DYNC2I1: variants seen among roughly 807,000 people sequenced by gnomAD.
The protein encoded by DYNC2I1 is cytoplasmic dynein 2 intermediate chain 1.
DYNC2I1 carries 89 observed loss-of-function variants against 133.4 expected under a neutral mutation model. That is an observed-to-expected ratio of 0.67 (90% CI 0.56 to 0.80). DYNC2I1 has a LOEUF of 0.80. DYNC2I1 is among the 30% of genes least tolerant of loss of function. The pLI, the probability that DYNC2I1 is intolerant of heterozygous loss-of-function variation, is 0.00. For synonymous variants in DYNC2I1, 504 were observed against 484.3 expected, an observed-to-expected ratio of 1.04 and a Z score of -0.54; for missense variants, 1,291 against 1,314.5, an observed-to-expected ratio of 0.98 and a Z score of 0.28.
At chr7:158,914,726 G>C (rs1038511192) in intron 14 of DYNC2I1, among the ~76,000 whole-genome samples, 78 of 152,246 alleles carry the variant, frequency 5.1e-4, no homozygotes, top group African/African-American at 1.9e-3. Context: ...AAGAGACATG[G>C]AACAGTCCTG....
intron 21 of DYNC2I1, among the ~76,000 whole-genome samples, 191 bp downstream of exon 21, chr7:158,930,706 T>G (rs1051153263): frequency 1.7e-4 from 26 of 152,212 alleles, no homozygotes; most frequent in African/African-American, 6.3e-4. Flanking sequence ...TTCACTCTTG[T>G]TGCCCCGGCT....
chr7:158,870,154 A>T (rs979031556), intron 2 of DYNC2I1, among the ~76,000 whole-genome samples: 1 of 152,100 alleles, frequency 6.6e-6, no homozygotes, highest in Non-Finnish European at 1.5e-5. Flanking sequence ...GCTTTAGGGC[A>T]GGGAGTGCTC....
At chr7:158,862,552 TAAAAAAAAA>T (rs71200073) in intron 1 of DYNC2I1, among the ~76,000 whole-genome samples, 3 of 105,860 alleles carry the variant, frequency 2.8e-5, no homozygotes, top group African/African-American at 7.2e-5. Flanking sequence ...CCCTATCTCT[TAAAAAAAAA>T]AAAAAAAAAA....
Position 158,879,963 on chromosome 7 carries a change from G to C in DYNC2I1, c.853G>C (p.Asp285His). The C allele has an allele frequency of 3.1e-6, 5 of 1,601,298 alleles. No homozygotes were observed. Among genetic ancestry groups the C allele is most frequent in the Non-Finnish European group, 3.4e-6 (4 of 1,176,418 alleles). The change falls in exon 5 of 25, where the codon GAT becomes CAT. Residue 285 changes from aspartate (D) to histidine (H), a missense_variant. By Grantham distance (81) the Asp-to-His change is moderately conservative. Transcript: ENST00000407559. ...NVDRKEKSAK[D>H]EPRKRESQNG... ...GGATAGAAAAGAGAAATCGGCAAAA[G>C]ATGAGCCCAGGAAAAGGGAATCCCA...
At chr7:158,929,706 G>A (rs1239671107) in intron 20 of DYNC2I1, among the ~76,000 whole-genome samples, 1 of 152,242 alleles carries the variant, frequency 6.6e-6, no homozygotes, top group African/African-American at 2.4e-5. Flanking sequence ...TGCCCCCAGA[G>A]TTTTAGGCAA....
At chr7:158,928,344 G>T (rs1157367993) in intron 20 of DYNC2I1, among the ~76,000 whole-genome samples, 2 of 152,022 alleles carry the variant, frequency 1.3e-5, no homozygotes, top group Non-Finnish European at 2.9e-5. Flanking sequence ...CTTTCACCTT[G>T]CTTGAATCAG....
At chr7:158,948,766 G>T (rs1042124536), downstream of DYNC2I1, among the ~76,000 whole-genome samples, 1 of 152,168 alleles carries the variant, frequency 6.6e-6, no homozygotes, top group Non-Finnish European at 1.5e-5. Context: ...GAGTCAAGAG[G>T]GGGGTCCAGT....
chr7:158,852,989 A>T (rs73527658), upstream of DYNC2I1, among the ~76,000 whole-genome samples: 14,232 of 152,246 alleles, frequency 0.093, 1,312 homozygotes, highest in African/African-American at 0.23. Context: ...TTAAGGGTTA[A>T]TGAATGCTTG....
At chr7:158,884,749 T>C (rs1844430636) in intron 6 of DYNC2I1, 130 bp downstream of exon 6, 1 of 864,850 alleles carries the variant, frequency 1.2e-6, no homozygotes, top group Non-Finnish European at 1.6e-6. Context: ...TCATTTTCTC[T>C]AGATTTTACC....
intron 14 of DYNC2I1, among the ~76,000 whole-genome samples, chr7:158,917,104 A>G (rs1432590142): frequency 4.8e-4 from 61 of 127,202 alleles, no homozygotes; most frequent in South Asian, 7.3e-4. Context: ...GCTGGTTGAC[A>G]TTAAGGATGA....
chr7:158,841,032 C>T, the DYNC2I1 span, among the ~76,000 whole-genome samples: 16 of 151,916 alleles, frequency 1.1e-4, no homozygotes, highest in Non-Finnish European at 2.4e-4. Context: ...AAATTTTAAT[C>T]TTTGTATCAC....
chr7:158,941,517 T>G (rs1481597709), intron 23 of DYNC2I1, among the ~76,000 whole-genome samples: 1 of 152,182 alleles, frequency 6.6e-6, no homozygotes, highest in African/African-American at 2.4e-5. Context: ...AATTAATGTT[T>G]TTGCAGTACA....
Position 158,915,880 on chromosome 7 carries a change from C to T in DYNC2I1, c.1791+1559C>T, listed in dbSNP as rs111420298. Among the ~76,000 whole-genome samples, 1,116 of 138,750 alleles carry T rather than the reference C, an allele frequency of 8.0e-3. 16 individuals are homozygous for T. The highest frequency in any genetic ancestry group is 0.015 in the South Asian group (65 of 4,452). 91.0% of individuals were successfully genotyped at this position (138,750 alleles called of 152,430 possible). A position where few individuals can be genotyped will look rare whatever the true frequency, so the allele number is the denominator to read the frequency against. On this transcript the variant is annotated intron_variant, in intron 14 of 24. Coordinates refer to ENST00000407559, the MANE Select transcript of DYNC2I1 (RefSeq NM_018051.5). ...TAAGGATGATTGTGAAACGTCGACACGCTGGTTGAGATTAAGGATGATTGT... is the reference window on the plus strand; with the variant it reads ...TAAGGATGATTGTGAAACGTCGACATGCTGGTTGAGATTAAGGATGATTGT...
At chr7:158,948,560 T>C (rs1851957216), downstream of DYNC2I1, among the ~76,000 whole-genome samples, 1 of 141,894 alleles carries the variant, frequency 7.0e-6, no homozygotes, top group African/African-American at 2.8e-5. Context: ...CCCCGGGTGC[T>C]TCGGACACGG....
intron 8 of DYNC2I1, among the ~76,000 whole-genome samples, chr7:158,893,767 CTACTGCATATCG>C (rs1424016062): frequency 2.0e-5 from 3 of 148,892 alleles, no homozygotes; most frequent in South Asian, 2.2e-4. Context: ...AGTGCATATC[CTACTGCATATCG>C]TACCACATAT....
chr7:158,856,845 A>C, intron 1 of DYNC2I1, 95 bp downstream of exon 1: 12 of 1,207,026 alleles, frequency 9.9e-6, no homozygotes, highest in Non-Finnish European at 1.2e-5. Flanking sequence ...CCCTTTGCGC[A>C]GCGGTTCTCT....
intron 21 of DYNC2I1, among the ~76,000 whole-genome samples, chr7:158,931,072 C>T (rs747090064): frequency 1.3e-5 from 2 of 152,110 alleles, no homozygotes; most frequent in Admixed American, 6.6e-5. Flanking sequence ...ATTGGTCTTA[C>T]TTAACTATTC....
At chr7:158,949,063 ACG>A (rs371130431), downstream of DYNC2I1, among the ~76,000 whole-genome samples, 723 of 152,250 alleles carry the variant, frequency 4.7e-3, 4 homozygotes, top group African/African-American at 0.017. Context: ...CCTGAGGTCC[ACG>A]TCTGCCCCCG....
chr7:158,873,223 A>G (rs1843035944), intron 3 of DYNC2I1, among the ~76,000 whole-genome samples: 1 of 152,072 alleles, frequency 6.6e-6, no homozygotes, highest in South Asian at 2.1e-4. Flanking sequence ...TTTTTTGGTT[A>G]TATAGGTAGT....
Sources: allele counts gnomAD v4.1 joint callset (sites outside exome capture counted in the v4.1 genomes callset), GRCh38; gene constraint gnomAD v4.1.1; transcripts MANE v1.5; gene names NCBI Gene and HGNC (gene_info 2026-07-23, HGNC 2026-07-21).